Variants in FBN1 observed in about 807,000 individuals in gnomAD.
FBN1 encodes the protein fibrillin 1.
In FBN1, 29 loss-of-function variants were observed where a neutral mutation model predicts 365.1. The observed-to-expected ratio is 0.08, with a 90% CI of 0.06 to 0.11. FBN1 has a LOEUF of 0.11. Ranked by LOEUF, FBN1 falls within the 10% of genes least tolerant of loss-of-function variation. The probability of loss-of-function intolerance (pLI) is 1.00; values close to 1 mark genes in which losing one functional copy is unlikely to be tolerated. For synonymous variants in FBN1, 1,210 were observed against 1,270.5 expected (o/e 0.95, Z 1.01); for missense variants, 2,476 against 3,703.2 (o/e 0.67, Z 8.60).
At chr15:48,575,316 TAC>T in intron 6 of FBN1, among the ~76,000 whole-genome samples, 1 of 132,054 alleles carries the variant, frequency 7.6e-6, no homozygotes, top group African/African-American at 2.8e-5. Flanking sequence ...TTTATGTATT[TAC>T]ATATGTATGT....
intron 64 of FBN1, among the ~76,000 whole-genome samples, chr15:48,413,478 T>C (rs2042879924): frequency 6.6e-6 from 1 of 152,232 alleles, no homozygotes; most frequent in African/African-American, 2.4e-5. Context: ...TCAGCTGTTT[T>C]TCTTTGCCTT....
intron 60 of FBN1, among the ~76,000 whole-genome samples, chr15:48,422,739 A>G (rs138546174): frequency 2.5e-4 from 38 of 152,286 alleles, no homozygotes; most frequent in African/African-American, 8.9e-4. Flanking sequence ...CAGGCTGATC[A>G]CTTTGAGCTC....
intron 50 of FBN1, 97 bp from the exon 51 acceptor site, chr15:48,438,014 C>T: frequency 7.8e-7 from 1 of 1,280,580 alleles, no homozygotes; most frequent in Non-Finnish European, 1.1e-6. Context: ...TATATATGTT[C>T]TCCTCTCAGG....
chr15:48,630,715 G>C (rs2140764477), intron 2 of FBN1, among the ~76,000 whole-genome samples: 1 of 120,844 alleles, frequency 8.3e-6, no homozygotes, highest in Non-Finnish European at 1.6e-5. Context: ...CTGGATGACA[G>C]AGTGAGACTC....
At chr15:48,514,783 C>T (rs1433841804) in intron 12 of FBN1, among the ~76,000 whole-genome samples, 2 of 152,108 alleles carry the variant, frequency 1.3e-5, no homozygotes, top group Non-Finnish European at 2.9e-5. Flanking sequence ...ATTGGAGTTA[C>T]CAGAAATGAT....
In FBN1 at chr15:48,427,569, G is replaced by C. The variant is rs2042987305; in HGVS notation, c.7202C>G (p.Ala2401Gly). ...TTTTTGGACTATAAATGAAGTACCT[G>C]CTCCATTGGTCATGAATCCTCGGCC... Reference protein sequence around the residue: ...PHGRGFMTNGADIDECKVIHD... With the variant: ...PHGRGFMTNGGDIDECKVIHD... The change falls in exon 58 of 66, where the codon GCA becomes GGA. Residue 2401 changes from alanine (A) to glycine (G), a missense_variant and splice_region_variant. Ala to Gly is a moderately conservative substitution (Grantham distance 60). This residue lies in a region of FBN1 where 1,780 missense variants were observed against 2,840.8 expected (regional missense o/e 0.63). Transcript: ENST00000316623. 6.2e-7 allele frequency: 1 copy of C among 1,612,772 alleles called. No individual in the cohort carries two copies.
chr15:48,510,650 T>C (rs113819237), intron 13 of FBN1, among the ~76,000 whole-genome samples: 2 of 152,340 alleles, frequency 1.3e-5, no homozygotes, highest in African/African-American at 4.8e-5. Context: ...ATCTTCCTTA[T>C]ACCAATTCTG....
chr15:48,477,852 C>T (rs754464226), intron 32 of FBN1, among the ~76,000 whole-genome samples: 8 of 152,208 alleles, frequency 5.3e-5, no homozygotes, highest in Non-Finnish European at 1.0e-4. Context: ...CCCCACCAAA[C>T]CTTTGTCACA....
At chr15:48,578,055 T>C (rs2044362929) in intron 6 of FBN1, among the ~76,000 whole-genome samples, 1 of 152,110 alleles carries the variant, frequency 6.6e-6, no homozygotes, top group Admixed American at 6.6e-5. Flanking sequence ...AAAAAAAAAT[T>C]GAAGATTGGC....
chr15:48,496,375 C>T, intron 19 of FBN1, 150 bp from the exon 20 acceptor site: 1 of 923,728 alleles, frequency 1.1e-6, no homozygotes, highest in Non-Finnish European at 1.6e-6. Flanking sequence ...TTTACCTAAA[C>T]TATCTCATTT....
chr15:48,411,238 G>A lies in FBN1; in HGVS notation c.8368C>T (p.His2790Tyr). Residue 2790 changes from histidine to tyrosine, a missense_variant, in exon 66 of 66, where the codon CAC becomes TAC. Around this residue, in one of 5 missense-constraint regions of FBN1, gnomAD observed 177 missense variants for 192.7 expected, o/e 0.92. Coordinates refer to ENST00000316623, the MANE Select transcript of FBN1 (RefSeq NM_000138.5). Reference sequence around the variant, plus strand: ...CCAGATTCGATCAAGTATCTGTTGTGATTCGTCAGAGTTGTAAGAGCTGGA... The same window carrying A: ...CCAGATTCGATCAAGTATCTGTTGTAATTCGTCAGAGTTGTAAGAGCTGGA... ...LLPALTTLTN[H>Y]NRYLIESGNE... The A allele has an allele frequency of 6.2e-7, 1 of 1,614,122 alleles. No individual in the cohort carries two copies. Among genetic ancestry groups the A allele is most frequent in the Non-Finnish European group, 8.5e-7 (1 of 1,180,006 alleles).
At chr15:48,621,866 C>T (rs1375863803) in intron 2 of FBN1, among the ~76,000 whole-genome samples, 4 of 149,994 alleles carry the variant, frequency 2.7e-5, no homozygotes, top group African/African-American at 4.9e-5. Flanking sequence ...GGCGTGGTGG[C>T]GGGCGCCTGT....
At chr15:48,479,538 G>A (rs1366645611) in intron 32 of FBN1, among the ~76,000 whole-genome samples, 1 of 152,176 alleles carries the variant, frequency 6.6e-6, no homozygotes, top group Non-Finnish European at 1.5e-5. Context: ...TAGCAAATTG[G>A]AAAATCATTT....
intron 58 of FBN1, 30 bp from the exon 59 acceptor site, chr15:48,425,894 TATATC>T (rs1458967246): frequency 1.3e-6 from 2 of 1,547,184 alleles, no homozygotes; most frequent in Non-Finnish European, 8.9e-7. Flanking sequence ...AATTAAGAAA[TATATC>T]ATAAAATTGA....
chr15:48,623,485 A>T (rs1359111978), intron 2 of FBN1, among the ~76,000 whole-genome samples: 1 of 152,228 alleles, frequency 6.6e-6, no homozygotes, highest in East Asian at 1.9e-4. Context: ...CAATGTAGAC[A>T]AATAACACAC....
At chr15:48,483,033 C>A (rs964900393) in intron 31 of FBN1, among the ~76,000 whole-genome samples, 3 of 152,156 alleles carry the variant, frequency 2.0e-5, no homozygotes, top group Non-Finnish European at 4.4e-5. Context: ...AAAAATATTT[C>A]TAGGAATACA....
intron 3 of FBN1, among the ~76,000 whole-genome samples, chr15:48,612,700 A>G (rs771463609): frequency 1.6e-4 from 25 of 152,200 alleles, no homozygotes; most frequent in Non-Finnish European, 3.4e-4. Context: ...TAGAAATTAC[A>G]ATAAGAAAAG....
intron 32 of FBN1, 100 bp downstream of exon 32, chr15:48,481,555 T>G: frequency 8.2e-7 from 1 of 1,220,840 alleles, no homozygotes. Flanking sequence ...TTTTATAATA[T>G]AGTTAAAATG....
Position 48,590,480 on chromosome 15 carries a change from TCATTC to T in FBN1, c.538+5798_538+5802del, listed in dbSNP as rs201950582. Among the ~76,000 whole-genome samples the T allele has an allele frequency of 7.6e-3, 1,152 of 152,352 alleles. 13 individuals are homozygous for T. Among genetic ancestry groups the T allele is most frequent in the African/African-American group, 0.027 (1,107 of 41,574 alleles). ...CTGCTTAATGTAGTATTTTTGAAAG[TCATTC>T]AATAAAATCATTAGAAAGATATCTG... On this transcript the variant is annotated intron_variant, in intron 6 of 65. Coordinates refer to ENST00000316623, the MANE Select transcript of FBN1 (RefSeq NM_000138.5).
Sources: allele counts gnomAD v4.1 joint callset (sites outside exome capture counted in the v4.1 genomes callset), GRCh38; gene constraint gnomAD v4.1.1; regional missense constraint gnomAD v4.1.1; transcripts MANE v1.5; gene names NCBI Gene and HGNC (gene_info 2026-07-23, HGNC 2026-07-21).